The following FMN2 variants were observed in gnomAD, a reference collection of about 807,000 sequenced individuals.
FMN2 encodes the protein formin 2.
A neutral mutation model predicts 142.3 loss-of-function variants in FMN2; 51 were observed. That is an observed-to-expected ratio of 0.36 (90% CI 0.29 to 0.45). FMN2 has a LOEUF of 0.45. Ranked by LOEUF, FMN2 falls within the 20% of genes least tolerant of loss-of-function variation. The probability of loss-of-function intolerance (pLI) is 1.00; values close to 1 mark genes in which losing one functional copy is unlikely to be tolerated. For missense variants in FMN2, 1,936 were observed against 2,122.8 expected (o/e 0.91, Z 1.73); for synonymous variants, 882 against 869.8 (o/e 1.01, Z -0.25).
intron 1 of FMN2, among the ~76,000 whole-genome samples, chr1:240,115,721 TG>T (rs962320791): frequency 6.6e-6 from 1 of 152,106 alleles, no homozygotes; most frequent in African/African-American, 2.4e-5. Flanking sequence ...GGAGAAAACA[TG>T]GGTTCTTGGC....
At chr1:240,316,280 T>C (rs1670776964) in intron 8 of FMN2, among the ~76,000 whole-genome samples, 1 of 152,174 alleles carries the variant, frequency 6.6e-6, no homozygotes, top group Non-Finnish European at 1.5e-5. Context: ...AGGATGTTCA[T>C]AGAGAGGCAG....
chr1:240,349,527 G>A (rs568124804), intron 13 of FMN2, among the ~76,000 whole-genome samples: 45 of 152,188 alleles, frequency 3.0e-4, no homozygotes, highest in Non-Finnish European at 4.6e-4. Context: ...TCATGATCAT[G>A]GTTCATTCCA....
chr1:240,118,296 G>A (rs761948025), intron 1 of FMN2, among the ~76,000 whole-genome samples: 3 of 152,184 alleles, frequency 2.0e-5, no homozygotes, highest in Non-Finnish European at 2.9e-5. Flanking sequence ...GCAACGGGTA[G>A]CACAGCAGAG....
chr1:240,457,582 A>G (rs1676297029), intron 16 of FMN2: 1 of 152,234 alleles, frequency 6.6e-6, no homozygotes, highest in Admixed American at 6.5e-5. Flanking sequence ...CAAAGAGAAG[A>G]CAGCTATGGG....
intron 2 of FMN2, among the ~76,000 whole-genome samples, chr1:240,127,065 G>A (rs913586318): frequency 6.6e-6 from 1 of 151,942 alleles, no homozygotes; most frequent in Non-Finnish European, 1.5e-5. Context: ...GATGAGGACA[G>A]CAAGGGCTCA....
chr1:240,184,850 C>A (rs971982654), intron 3 of FMN2, among the ~76,000 whole-genome samples: 1 of 151,898 alleles, frequency 6.6e-6, no homozygotes, highest in Admixed American at 6.6e-5. Flanking sequence ...CTAGTGACTC[C>A]ACTCTTCAGC....
Position 240,329,186 on chromosome 1 carries a change from C to T in FMN2, c.4307+19C>T. 1 of 1,613,550 alleles carries T rather than the reference C, an allele frequency of 6.2e-7. No homozygotes were observed. Among genetic ancestry groups the T allele is most frequent in the South Asian group, 1.1e-5 (1 of 90,974 alleles). ...CTGAACAGTAAGCATGTCTTATAAC[C>T]ACGTAGAGGGCGTCCAGGCTATGGG... is the stretch of plus-strand genomic sequence containing the variant. On this transcript the variant is annotated intron_variant, in intron 9 of 17. Transcript: ENST00000319653.
chr1:240,268,453 C>T (rs1479868826), intron 7 of FMN2, among the ~76,000 whole-genome samples: 1 of 152,042 alleles, frequency 6.6e-6, no homozygotes, highest in East Asian at 1.9e-4. Context: ...GCTAAAATCT[C>T]CCCTAACTGT....
intron 15 of FMN2, among the ~76,000 whole-genome samples, chr1:240,404,974 T>C (rs1674099793): frequency 6.6e-6 from 1 of 152,212 alleles, no homozygotes; most frequent in South Asian, 2.1e-4. Flanking sequence ...GGAAAAGTTA[T>C]GTTGTAAAAA....
chr1:240,092,470 C>A lies in FMN2; in HGVS notation c.361C>A (p.Leu121Ile), dbSNP rs1205278422. ...CTCCCTGCTCACCAAGACTCCAGAC[C>A]TCAGCCTCTCGGCGGACGAGGCCGG... ...AHSLLTKTPD[L>I]SLSADEAGLS... Residue 121 changes from leucine (L) to isoleucine (I), a missense_variant, in exon 1 of 18, where the codon CTC becomes ATC. This residue lies in a region of FMN2 where 751 missense variants were observed against 791.8 expected (regional missense o/e 0.95). Coordinates refer to ENST00000319653, the MANE Select transcript of FMN2 (RefSeq NM_020066.5). 68 of 1,609,054 alleles carry A rather than the reference C, an allele frequency of 4.2e-5. No homozygotes were observed. The highest frequency in any genetic ancestry group is 5.6e-5 in the Non-Finnish European group (66 of 1,177,920).
chr1:240,346,859 A>G (rs1284769080), intron 13 of FMN2, among the ~76,000 whole-genome samples: 20 of 152,316 alleles, frequency 1.3e-4, no homozygotes, highest in Admixed American at 9.8e-4. Flanking sequence ...ATTAAAGAAC[A>G]TAAGAAATTT....
chr1:240,424,835 G>A (rs893517761), intron 15 of FMN2, among the ~76,000 whole-genome samples: 2 of 152,178 alleles, frequency 1.3e-5, no homozygotes, highest in Non-Finnish European at 2.9e-5. Flanking sequence ...ATGGCTTGAG[G>A]TTAATAGACT....
intron 15 of FMN2, among the ~76,000 whole-genome samples, chr1:240,414,007 A>G (rs767881045): frequency 7.9e-5 from 12 of 152,250 alleles, no homozygotes; most frequent in Non-Finnish European, 1.5e-4. Flanking sequence ...GATTTATCCA[A>G]GCACTGAAGG....
At chr1:240,319,658 G>A (rs536636720) in intron 8 of FMN2, among the ~76,000 whole-genome samples, 1 of 152,280 alleles carries the variant, frequency 6.6e-6, no homozygotes, top group South Asian at 2.1e-4. Context: ...CCTTATGGAA[G>A]TGAAAAAGAC....
rs1674444620 is a variant in FMN2 at position 240,412,850 on chromosome 1, G to A, written c.4910+20288G>A. Reference sequence around the variant, plus strand: ...GATTAAGAAACAGTAGGCCTGGTGCGGTGGCTCATGCCTGTAAATCCCAGC... The same window carrying A: ...GATTAAGAAACAGTAGGCCTGGTGCAGTGGCTCATGCCTGTAAATCCCAGC... On this transcript the variant is annotated intron_variant, in intron 15 of 17. Coordinates refer to ENST00000319653, the MANE Select transcript of FMN2 (RefSeq NM_020066.5). 2.6e-5 allele frequency among the ~76,000 whole-genome samples: 4 copies of A among 151,954 alleles called. No individual in the cohort carries two copies. In the South Asian group the frequency reaches 8.3e-4, roughly 32 times the overall value.
chr1:240,104,634 T>C (rs1301276256), intron 1 of FMN2, among the ~76,000 whole-genome samples: 2 of 152,238 alleles, frequency 1.3e-5, no homozygotes, highest in Non-Finnish European at 2.9e-5. Context: ...ACAAATACTC[T>C]GAGTTGCAGA....
intron 16 of FMN2, among the ~76,000 whole-genome samples, chr1:240,468,172 C>A (rs1040933414): frequency 6.6e-6 from 1 of 151,176 alleles, no homozygotes; most frequent in East Asian, 1.9e-4. Context: ...GGTAGTCCCC[C>A]TTTGTGTGAA....
chr1:240,333,276 A>C (rs1211639332), intron 11 of FMN2, among the ~76,000 whole-genome samples: 2 of 152,186 alleles, frequency 1.3e-5, no homozygotes, highest in African/African-American at 4.8e-5. Context: ...AGAAATATCC[A>C]CATTGTCTTA....
intron 6 of FMN2, among the ~76,000 whole-genome samples, chr1:240,243,979 G>A (rs1417321847): frequency 6.6e-6 from 1 of 152,170 alleles, no homozygotes; most frequent in Non-Finnish European, 1.5e-5. Flanking sequence ...TGAATACATT[G>A]CATACCTCTG....
Sources: gnomAD v4.1 joint callset for allele counts (sites outside exome capture counted in the v4.1 genomes callset) on GRCh38, gnomAD v4.1.1 for gene constraint, gnomAD v4.1.1 regional missense constraint, MANE v1.5 for transcripts, NCBI Gene and HGNC (gene_info 2026-07-23, HGNC 2026-07-21) for gene names.